ATP2B4: variants seen among roughly 807,000 people sequenced by gnomAD.
The protein encoded by ATP2B4 is plasma membrane calcium-transporting ATPase 4.
In ATP2B4, 39 loss-of-function variants were observed where a neutral mutation model predicts 110.3. The ratio of observed to expected loss-of-function variants is 0.35; its 90% CI spans 0.27 to 0.46. ATP2B4 has a LOEUF of 0.46. Among genes scored for constraint, ATP2B4 ranks in the 20% least tolerant of loss-of-function variants. ATP2B4 has a pLI of 1.00. For missense variants in ATP2B4, 1,135 were observed against 1,530.9 expected (o/e 0.74, Z 4.32); for synonymous variants, 538 against 571.7 (o/e 0.94, Z 0.84).
At chr1:203,654,643 A>G (rs1458546675) in intron 1 of ATP2B4, among the ~76,000 whole-genome samples, 3 of 152,150 alleles carry the variant, frequency 2.0e-5, no homozygotes, top group Non-Finnish European at 4.4e-5. Flanking sequence ...TAATCATAGC[A>G]TTTTGGGAGG....
At chr1:203,708,961 A>C (rs1014683441) in intron 10 of ATP2B4, among the ~76,000 whole-genome samples, 2 of 152,210 alleles carry the variant, frequency 1.3e-5, no homozygotes, top group South Asian at 4.1e-4. Context: ...GTTCAAGACC[A>C]GCCTGGCCAA....
chr1:203,634,663 T>G (rs961984120), intron 1 of ATP2B4, among the ~76,000 whole-genome samples: 1 of 151,970 alleles, frequency 6.6e-6, no homozygotes, highest in African/African-American at 2.4e-5. Flanking sequence ...ATGCATCTCT[T>G]TGTTTGTTTG....
At chr1:203,637,049 A>G (rs1398186040) in intron 1 of ATP2B4, among the ~76,000 whole-genome samples, 3 of 152,212 alleles carry the variant, frequency 2.0e-5, no homozygotes, top group Admixed American at 6.5e-5. Context: ...ACTAAGGAAT[A>G]TTAGCTAGAG....
At chr1:203,686,007 A>C (rs1299353202) in intron 2 of ATP2B4, among the ~76,000 whole-genome samples, 8 of 142,532 alleles carry the variant, frequency 5.6e-5, no homozygotes, top group South Asian at 4.2e-4. Context: ...CTTAATCACA[A>C]AAAAAAAAAA....
intron 1 of ATP2B4, among the ~76,000 whole-genome samples, chr1:203,645,746 G>A (rs888367515): frequency 1.3e-4 from 20 of 151,996 alleles, no homozygotes; most frequent in African/African-American, 4.6e-4. Context: ...GCCTGCCACT[G>A]TGCCCGGCTA....
chr1:203,703,573 G>A lies in ATP2B4; in HGVS notation c.938-79G>A, dbSNP rs369201913. ...TATATTCCGGGAAAGAGACAGGAAG[G>A]TTTTCTGGTTTCCACCTGCCTGCCA... On this transcript the variant is annotated intron_variant, in intron 7 of 20. Transcript: ENST00000357681. 1.3e-5 allele frequency: 20 copies of A among 1,511,220 alleles called. No individual in the cohort carries two copies. In the East Asian group the frequency reaches 4.5e-4, roughly 34 times the overall value. The allele number at this position is 1,511,220 out of a possible 1,614,324, so 93.6% of individuals were successfully genotyped here.
chr1:203,665,015 T>C (rs947371785), intron 1 of ATP2B4, among the ~76,000 whole-genome samples: 3 of 152,212 alleles, frequency 2.0e-5, no homozygotes, highest in Non-Finnish European at 4.4e-5. Flanking sequence ...GTGTTTTTAG[T>C]AGAGATGGAC....
At position 203,707,170 on chromosome 1, in the gene ATP2B4, G is replaced by T. The variant is rs779803283; in HGVS notation, c.1261G>T (p.Val421Leu). The change falls in exon 9 of 21, where the codon GTG (valine) becomes TTG (leucine). Residue 421 changes from valine to leucine, a missense_variant. By Grantham distance (32) the Val-to-Leu change is conservative. This residue lies in a region of ATP2B4 where 162 missense variants were observed against 210.5 expected (regional missense o/e 0.77). Coordinates refer to ENST00000357681, the MANE Select transcript of ATP2B4 (RefSeq NM_001684.5). ...CGGCATCACTGTACTGGTGGTGGCT[G>T]TGCCAGAGGGGCTGCCTCTGGCTGT... Reference protein sequence around the residue: ...IIGITVLVVAVPEGLPLAVTI... With the variant: ...IIGITVLVVALPEGLPLAVTI... 6.2e-7 allele frequency: 1 copy of T among 1,614,094 alleles called. No homozygotes were observed. The highest frequency in any genetic ancestry group is 8.5e-7 in the Non-Finnish European group (1 of 1,180,012).
At chr1:203,632,286 C>A (rs941141922) in intron 1 of ATP2B4, among the ~76,000 whole-genome samples, 5 of 150,596 alleles carry the variant, frequency 3.3e-5, no homozygotes, top group African/African-American at 4.9e-5. Flanking sequence ...AGTGAAAAAA[C>A]CAAGACATAG....
At chr1:203,703,966 G>A (rs1390136982) in intron 8 of ATP2B4, among the ~76,000 whole-genome samples, 153 bp downstream of exon 8, 5 of 152,078 alleles carry the variant, frequency 3.3e-5, no homozygotes, top group Admixed American at 2.6e-4. Flanking sequence ...CCCTATCTCC[G>A]CCACTGTTTG....
chr1:203,678,877 G>C (rs1289396517), intron 1 of ATP2B4, among the ~76,000 whole-genome samples: 1 of 152,140 alleles, frequency 6.6e-6, no homozygotes, highest in Non-Finnish European at 1.5e-5. Flanking sequence ...TCTGTAAGGT[G>C]GGGGTCACAG....
intron 7 of ATP2B4, 22 bp from the exon 8 acceptor site, chr1:203,703,630 C>T: frequency 6.2e-7 from 1 of 1,611,792 alleles, no homozygotes; most frequent in South Asian, 1.1e-5. Context: ...GCTCACCTGT[C>T]CTATTTGTGT....
At chr1:203,686,719 G>A (rs1314676876) in intron 2 of ATP2B4, among the ~76,000 whole-genome samples, 4 of 62,654 alleles carry the variant, frequency 6.4e-5, no homozygotes, top group South Asian at 6.1e-4. Context: ...TTTAGAAGGA[G>A]TTTTGCTTTT....
chr1:203,634,564 T>TA, intron 1 of ATP2B4, among the ~76,000 whole-genome samples: 1 of 152,372 alleles, frequency 6.6e-6, no homozygotes, highest in Non-Finnish European at 1.5e-5. Flanking sequence ...TAATGGATAC[T>TA]AAAACCACTG....
At chr1:203,727,795 A>G (rs187374857) in intron 20 of ATP2B4, 82 of 546,976 alleles carry the variant, frequency 1.5e-4, no homozygotes, top group Non-Finnish European at 2.3e-4. Flanking sequence ...GGACACTATT[A>G]GCATAGTCCT....
intron 15 of ATP2B4, among the ~76,000 whole-genome samples, chr1:203,720,133 T>C (rs1303870995): frequency 2.6e-5 from 4 of 152,170 alleles, no homozygotes. Flanking sequence ...GGAACTGTGC[T>C]GCCATACTAC....
At position 203,661,403 on chromosome 1, in the gene ATP2B4, G is replaced by A. The variant is rs542673047; in HGVS notation, c.-464-21339G>A. On this transcript the variant is annotated intron_variant, in intron 1 of 20. Coordinates refer to ENST00000357681, the MANE Select transcript of ATP2B4 (RefSeq NM_001684.5). ...GGGAGTGATACGACCCATTTCCCAAGGTTGTTGAGAGGATCAAATGAGATA... is the reference window on the plus strand; with the variant it reads ...GGGAGTGATACGACCCATTTCCCAAAGTTGTTGAGAGGATCAAATGAGATA... Among the ~76,000 whole-genome samples the A allele has an allele frequency of 4.4e-3, 669 of 152,242 alleles. 5 individuals are homozygous for A. The highest frequency in any genetic ancestry group is 0.015 in the African/African-American group (629 of 41,544).
intron 1 of ATP2B4, among the ~76,000 whole-genome samples, chr1:203,653,581 G>C (rs1571684434): frequency 6.6e-6 from 1 of 152,186 alleles, no homozygotes; most frequent in African/African-American, 2.4e-5. Context: ...GGCAGCTGGT[G>C]ACTTCAAGTT....
intron 1 of ATP2B4, among the ~76,000 whole-genome samples, chr1:203,643,476 A>T (rs115447451): frequency 3.2e-4 from 49 of 152,282 alleles, no homozygotes; most frequent in Admixed American, 7.2e-4. Flanking sequence ...CTCAGGCTGG[A>T]ATCTCCCCTG....
Sources: gnomAD v4.1 joint callset for allele counts (sites outside exome capture counted in the v4.1 genomes callset) on GRCh38, gnomAD v4.1.1 for gene constraint, gnomAD v4.1.1 regional missense constraint, MANE v1.5 for transcripts, NCBI Gene and HGNC (gene_info 2026-07-23, HGNC 2026-07-21) for gene names.